Variants in LEMD3 observed in about 807,000 individuals in gnomAD.
LEMD3 encodes the protein inner nuclear membrane protein Man1.
In LEMD3, 33 loss-of-function variants were observed where a neutral mutation model predicts 95.2. The observed-to-expected ratio is 0.35, with a 90% confidence interval of 0.26 to 0.46. LEMD3 has a LOEUF of 0.46. Among genes scored for constraint, LEMD3 ranks in the 20% least tolerant of loss-of-function variants. LEMD3 has a pLI of 1.00. For synonymous variants in LEMD3, 525 were observed against 474.6 expected (o/e 1.11, Z -1.38); for missense variants, 1,210 against 1,192.8 (o/e 1.01, Z -0.21).
intron 1 of LEMD3, chr12:65,171,727 A>G (rs948524773): frequency 1.9e-5 from 3 of 157,166 alleles, no homozygotes; most frequent in Admixed American, 6.1e-5. Flanking sequence ...GTGGTAGGGC[A>G]GTGCAGGAGC....
chr12:65,238,376 C>T (rs1263286213), intron 4 of LEMD3, 126 bp from the exon 5 acceptor site: 17 of 628,560 alleles, frequency 2.7e-5, no homozygotes, highest in East Asian at 5.8e-5. Flanking sequence ...TTAAAATTTT[C>T]TGTAATGAAT....
chr12:65,216,137 T>A, intron 3 of LEMD3, 94 bp downstream of exon 3: 1 of 822,008 alleles, frequency 1.2e-6, no homozygotes, highest in Non-Finnish European at 2.1e-6. Flanking sequence ...TCCAGTGTTA[T>A]ATTTGTGAAA....
Position 65,204,443 on chromosome 12 carries a change from T to C in LEMD3, c.1523-6483T>C, listed in dbSNP as rs575746082. Among the ~76,000 whole-genome samples the C allele has an allele frequency of 3.3e-5, 5 of 152,298 alleles. No individual in the cohort carries two copies. The East Asian group carries it at 7.7e-4, about 24-fold the overall frequency. On this transcript the variant is annotated intron_variant, in intron 1 of 12. Transcript: ENST00000308330. ...AGAACATAGAGTATTTGGTTTTCTG[T>C]TCTCGTGTTAGTTTGCTGAGGATAA...
chr12:65,221,788 T>C (rs1870300250), intron 4 of LEMD3, among the ~76,000 whole-genome samples: 1 of 147,452 alleles, frequency 6.8e-6, no homozygotes, highest in African/African-American at 2.5e-5. Context: ...TCGCCCAGGC[T>C]GGAGTGCAGT....
intron 9 of LEMD3, among the ~76,000 whole-genome samples, chr12:65,241,620 G>C (rs1398647916): frequency 6.6e-6 from 1 of 152,004 alleles, no homozygotes; most frequent in Non-Finnish European, 1.5e-5. Context: ...AAATAAGAAA[G>C]GGGTAAGTTT....
intron 1 of LEMD3, among the ~76,000 whole-genome samples, chr12:65,202,972 T>G (rs960627895): frequency 3.3e-5 from 5 of 152,262 alleles, no homozygotes; most frequent in African/African-American, 1.2e-4. Context: ...TTAATTTCAT[T>G]AATATTTTCA....
chr12:65,203,670 G>A (rs976145239), intron 1 of LEMD3, among the ~76,000 whole-genome samples: 11 of 152,204 alleles, frequency 7.2e-5, no homozygotes, highest in Admixed American at 7.2e-4. Context: ...ATGATTTGTT[G>A]AGTTCAACTA....
chr12:65,207,120 C>T (rs1205443524), intron 1 of LEMD3, among the ~76,000 whole-genome samples: 1 of 152,076 alleles, frequency 6.6e-6, no homozygotes, highest in Non-Finnish European at 1.5e-5. Context: ...TGAGGTACCT[C>T]TTGAGTACAT....
chr12:65,176,296 A>T (rs957096830), intron 1 of LEMD3, among the ~76,000 whole-genome samples: 5 of 152,210 alleles, frequency 3.3e-5, no homozygotes, highest in Non-Finnish European at 7.3e-5. Flanking sequence ...AGTCTCCCTT[A>T]TCACACTTAC....
intron 1 of LEMD3, among the ~76,000 whole-genome samples, chr12:65,174,373 G>A (rs1052801548): frequency 6.6e-6 from 1 of 152,112 alleles, no homozygotes; most frequent in African/African-American, 2.4e-5. Context: ...CAGAGTAGTC[G>A]CTTGTTCCAC....
chr12:65,240,106 GATT>G, intron 7 of LEMD3, 27 bp from the exon 8 acceptor site: 1 of 1,238,576 alleles, frequency 8.1e-7, no homozygotes. Flanking sequence ...TCAAGTGATT[GATT>G]CATTTGTAAA....
intron 1 of LEMD3, among the ~76,000 whole-genome samples, chr12:65,182,282 G>C (rs995020595): frequency 6.6e-6 from 1 of 152,110 alleles, no homozygotes; most frequent in Non-Finnish European, 1.5e-5. Flanking sequence ...TGTTAAATGA[G>C]GGTATAGTAA....
chr12:65,182,481 A>G (rs1293384715), intron 1 of LEMD3, among the ~76,000 whole-genome samples: 1 of 152,216 alleles, frequency 6.6e-6, no homozygotes, highest in Non-Finnish European at 1.5e-5. Context: ...AATGTTAATA[A>G]GTAATAGAGT....
Position 65,235,985 on chromosome 12 carries a change from C to T in LEMD3, c.1696-2517C>T, listed in dbSNP as rs1016880528. Among the ~76,000 whole-genome samples, 12 of 152,074 alleles carry T rather than the reference C, an allele frequency of 7.9e-5. No individual in the cohort carries two copies. The East Asian group carries it at 1.7e-3, about 22-fold the overall frequency. On this transcript the variant is annotated intron_variant, in intron 4 of 12. Coordinates refer to ENST00000308330, the MANE Select transcript of LEMD3 (RefSeq NM_014319.5). Reference sequence around the variant, plus strand: ...TAGTTATCTTCACCATCTTAAAAATCCTAATAGTAGTTTCATGTAATGATG... The same window carrying T: ...TAGTTATCTTCACCATCTTAAAAATTCTAATAGTAGTTTCATGTAATGATG...
At position 65,170,694 on chromosome 12, in the gene LEMD3, T is replaced by A; in HGVS notation, c.1098T>A (p.Pro366=). The A allele has an allele frequency of 6.2e-7, 1 of 1,614,034 alleles. No individual in the cohort carries two copies. Among genetic ancestry groups the A allele is most frequent in the Non-Finnish European group, 8.5e-7 (1 of 1,179,978 alleles). ...GTGTTAACGCTAAGAAACTGACCCCTCTCCTGCCCCCGCCACTTACTGACA... is the reference window on the plus strand; with the variant it reads ...GTGTTAACGCTAAGAAACTGACCCCACTCCTGCCCCCGCCACTTACTGACA... ...RYRVNAKKLT[P]LLPPPLTDMD... Residue 366 remains proline (P), a synonymous_variant, in exon 1 of 13, where the codon CCT becomes CCA. Transcript: ENST00000308330.
chr12:65,232,085 T>C (rs2136349856), intron 4 of LEMD3, among the ~76,000 whole-genome samples: 1 of 152,290 alleles, frequency 6.6e-6, no homozygotes, highest in Middle Eastern at 3.4e-3. Context: ...TCAAAGAGCA[T>C]GAACTTTTAA....
chr12:65,238,608 C>A, intron 5 of LEMD3, 27 bp downstream of exon 5: 1 of 1,611,244 alleles, frequency 6.2e-7, no homozygotes. Context: ...CCACTTTGAC[C>A]ATTCTGTACT....
chr12:65,218,783 C>CTT (rs10676847), intron 4 of LEMD3, among the ~76,000 whole-genome samples, 164 bp downstream of exon 4: 4,552 of 122,968 alleles, frequency 0.037, 301 homozygotes, highest in African/African-American at 0.13. Context: ...AATTGTTCAA[C>CTT]TTTTTTTTTT....
chr12:65,235,619 TTAAAGTA>T (rs1481875868), intron 4 of LEMD3, among the ~76,000 whole-genome samples: 1 of 152,114 alleles, frequency 6.6e-6, no homozygotes, highest in Non-Finnish European at 1.5e-5. Flanking sequence ...TAGAAATGAT[TTAAAGTA>T]TAAAGAATGA....
Sources: allele counts gnomAD v4.1 joint callset (sites outside exome capture counted in the v4.1 genomes callset), GRCh38; gene constraint gnomAD v4.1.1; transcripts MANE v1.5; gene names NCBI Gene and HGNC (gene_info 2026-07-23, HGNC 2026-07-21).